Variants in PGM5 observed in about 807,000 individuals in gnomAD.
The protein encoded by PGM5 is phosphoglucomutase-like protein 5.
Under a neutral mutation model 59.2 loss-of-function variants are expected in PGM5, and 23 were observed. That is an observed-to-expected ratio of 0.39 (90% confidence interval 0.28 to 0.55). The LOEUF (loss-of-function observed/expected upper bound fraction) is 0.55, where lower values mean the gene tolerates loss of function less well. Among genes scored for constraint, PGM5 ranks in the 20% least tolerant of loss-of-function variants. The pLI is 0.66. For synonymous variants in PGM5, 214 were observed against 286.0 expected (o/e 0.75, Z 2.54); for missense variants, 574 against 748.3 (o/e 0.77, Z 2.72).
At chr9:68,443,683 A>G (rs1266303704) in intron 6 of PGM5, among the ~76,000 whole-genome samples, 1 of 152,268 alleles carries the variant, frequency 6.6e-6, no homozygotes. Context: ...GCAGCAGAAG[A>G]TAGACGGTCA....
chr9:68,413,779 A>G (rs1822976354), intron 6 of PGM5, among the ~76,000 whole-genome samples: 1 of 152,130 alleles, frequency 6.6e-6, no homozygotes, highest in African/African-American at 2.4e-5. Flanking sequence ...TGATGCAGGA[A>G]CTCATCTCTT....
At chr9:68,489,558 G>A (rs1356981102) in intron 9 of PGM5, among the ~76,000 whole-genome samples, 3 of 150,418 alleles carry the variant, frequency 2.0e-5, no homozygotes, top group Admixed American at 1.3e-4. Flanking sequence ...CTCTGCTCCC[G>A]GGTTCAAGCG....
chr9:68,427,522 T>C (rs1823258153), intron 6 of PGM5, among the ~76,000 whole-genome samples: 1 of 152,164 alleles, frequency 6.6e-6, no homozygotes, highest in Non-Finnish European at 1.5e-5. Flanking sequence ...GGCCACCTGC[T>C]GTGGGCATGA....
chr9:68,413,222 T>C (rs2770847), intron 6 of PGM5, among the ~76,000 whole-genome samples: 1 of 152,122 alleles, frequency 6.6e-6, no homozygotes, highest in Non-Finnish European at 1.5e-5. Flanking sequence ...TGTCTTTCTC[T>C]TTATGTTTTT....
At chr9:68,515,636 T>G (rs537790534) in intron 10 of PGM5, among the ~76,000 whole-genome samples, 1 of 152,364 alleles carries the variant, frequency 6.6e-6, no homozygotes, top group East Asian at 1.9e-4. Flanking sequence ...CCCCACTGGG[T>G]GTGTCACTGA....
Position 68,356,644 on chromosome 9 carries a change from G to GC in PGM5, c.-482dup, listed in dbSNP as rs1216817920. Among the ~76,000 whole-genome samples the GC allele has an allele frequency of 6.6e-6, 1 of 152,300 alleles. No individual in the cohort carries two copies. The highest frequency in any genetic ancestry group is 1.5e-5 in the Non-Finnish European group (1 of 68,052). Reference sequence around the variant, plus strand: ...AGGGAGACAGGGAGACGGGCCGGGCGCCGGAGAGGAACCCGGACTCTGCCC... The same window carrying GC: ...AGGGAGACAGGGAGACGGGCCGGGCGCCCGGAGAGGAACCCGGACTCTGCCC... On this transcript the variant is annotated 5_prime_UTR_variant, in exon 1 of 11. Coordinates refer to ENST00000396396, the MANE Select transcript of PGM5 (RefSeq NM_021965.4).
intron 6 of PGM5, among the ~76,000 whole-genome samples, chr9:68,424,008 A>T (rs934187808): frequency 6.6e-6 from 1 of 152,154 alleles, no homozygotes; most frequent in East Asian, 1.9e-4. Context: ...ATAAGTAGAC[A>T]TAGTCTGTGG....
At chr9:68,483,634 A>G (rs1452876476) in intron 8 of PGM5, among the ~76,000 whole-genome samples, 1 of 152,196 alleles carries the variant, frequency 6.6e-6, no homozygotes, top group Non-Finnish European at 1.5e-5. Flanking sequence ...ATGGGAATTT[A>G]TAGAGGGATT....
intron 6 of PGM5, among the ~76,000 whole-genome samples, chr9:68,434,921 G>A (rs185850935): frequency 6.6e-6 from 1 of 152,286 alleles, no homozygotes; most frequent in Non-Finnish European, 1.5e-5. Flanking sequence ...TAAATAAATT[G>A]GAATTAATTA....
At chr9:68,499,167 AT>A in intron 9 of PGM5, 59 bp from the exon 10 acceptor site, 3 of 1,575,132 alleles carry the variant, frequency 1.9e-6, no homozygotes, top group Non-Finnish European at 1.7e-6. Context: ...GCAGGTATTA[AT>A]GATTATTACT....
At chr9:68,480,496 G>A (rs1399019565) in intron 8 of PGM5, among the ~76,000 whole-genome samples, 2 of 152,144 alleles carry the variant, frequency 1.3e-5, no homozygotes, top group Admixed American at 6.5e-5. Flanking sequence ...CCTGAGGTCA[G>A]GAGTTTGAGA....
chr9:68,521,924 C>T (rs1824905442), intron 10 of PGM5, among the ~76,000 whole-genome samples: 1 of 152,124 alleles, frequency 6.6e-6, no homozygotes, highest in East Asian at 1.9e-4. Context: ...CTTCTCCATC[C>T]ACACAGGGCA....
At chr9:68,428,098 A>C (rs1015878175) in intron 6 of PGM5, among the ~76,000 whole-genome samples, 10 of 152,226 alleles carry the variant, frequency 6.6e-5, no homozygotes, top group African/African-American at 2.4e-4. Flanking sequence ...TGGTACAACC[A>C]TATGTTCAGT....
At chr9:68,432,156 C>T (rs1823361276) in intron 6 of PGM5, among the ~76,000 whole-genome samples, 1 of 151,960 alleles carries the variant, frequency 6.6e-6, no homozygotes, top group South Asian at 2.1e-4. Context: ...TGCATACATC[C>T]CCACACACAC....
chr9:68,487,331 G>A (rs1554687595), intron 9 of PGM5, among the ~76,000 whole-genome samples: 2 of 151,994 alleles, frequency 1.3e-5, no homozygotes, highest in African/African-American at 2.4e-5. Context: ...CAGGTACAGC[G>A]GCAAGTACCT....
intron 6 of PGM5, among the ~76,000 whole-genome samples, chr9:68,460,690 A>G (rs548266514): frequency 6.6e-6 from 1 of 152,326 alleles, no homozygotes; most frequent in South Asian, 2.1e-4. Context: ...GTCCCCTGCT[A>G]TTTAACAGCC....
intron 6 of PGM5, among the ~76,000 whole-genome samples, chr9:68,461,028 C>T (rs1335270706): frequency 3.3e-5 from 5 of 152,110 alleles, no homozygotes; most frequent in Admixed American, 1.3e-4. Context: ...AAGATAGTGT[C>T]GCTGCTACTA....
At chr9:68,386,516 C>G (rs1822222354) in intron 3 of PGM5, among the ~76,000 whole-genome samples, 1 of 152,132 alleles carries the variant, frequency 6.6e-6, no homozygotes, top group Admixed American at 6.6e-5. Context: ...AAATATCACA[C>G]CTGGATTTAC....
chr9:68,506,969 C>G (rs1205965358), intron 10 of PGM5, among the ~76,000 whole-genome samples: 1 of 152,064 alleles, frequency 6.6e-6, no homozygotes, highest in Non-Finnish European at 1.5e-5. Flanking sequence ...CCTCTCCTTA[C>G]TTTCCCATAT....
Sources: allele counts gnomAD v4.1 joint callset (sites outside exome capture counted in the v4.1 genomes callset), GRCh38; gene constraint gnomAD v4.1.1; transcripts MANE v1.5; gene names NCBI Gene and HGNC (gene_info 2026-07-23, HGNC 2026-07-21).